TAMM41: variants seen among roughly 807,000 people sequenced by gnomAD.
TAMM41 encodes phosphatidate cytidylyltransferase, mitochondrial.
A neutral mutation model predicts 44.1 loss-of-function variants in TAMM41; 36 were observed. That is an observed-to-expected ratio of 0.82 (90% CI 0.63 to 1.08). The LOEUF is 1.08. Among genes scored for constraint, TAMM41 ranks in the 50% least tolerant of loss-of-function variants. TAMM41 has a pLI of 0.00. For missense variants in TAMM41, 417 were observed against 404.3 expected (o/e 1.03, Z -0.27); for synonymous variants, 164 against 153.1 (o/e 1.07, Z -0.53).
chr3:11,730,421 AAAAAAAAAAAAAG>A, the TAMM41 span, among the ~76,000 whole-genome samples: 31 of 149,360 alleles, frequency 2.1e-4, no homozygotes, highest in African/African-American at 7.1e-4. Context: ...TCATCTCAAA[AAAAAAAAAAAAAG>A]AAAAAGAAAA....
the TAMM41 span, among the ~76,000 whole-genome samples, chr3:11,732,521 G>A: frequency 6.6e-5 from 10 of 152,214 alleles, no homozygotes; most frequent in Non-Finnish European, 1.3e-4. Context: ...TTTAAGTCAT[G>A]TAAGTTAACA....
chr3:11,815,665 G>A (rs1454766960), intron 5 of TAMM41, among the ~76,000 whole-genome samples: 7 of 152,156 alleles, frequency 4.6e-5, no homozygotes, highest in Admixed American at 3.9e-4. Context: ...GAGAATGTGT[G>A]TGCTAAGTGC....
the TAMM41 span, among the ~76,000 whole-genome samples, chr3:11,722,269 C>T: frequency 6.6e-6 from 1 of 152,184 alleles, no homozygotes; most frequent in Non-Finnish European, 1.5e-5. Context: ...CTTTGCCTTA[C>T]ATCAGCATTA....
intron 6 of TAMM41, chr3:11,809,031 G>C (rs2078006649): frequency 5.2e-6 from 1 of 191,354 alleles, no homozygotes; most frequent in African/African-American, 2.4e-5. Flanking sequence ...TGGGTTCAGA[G>C]TTTTGGATAA....
the TAMM41 span, among the ~76,000 whole-genome samples, chr3:11,754,323 C>T: frequency 6.6e-6 from 1 of 152,138 alleles, no homozygotes; most frequent in Non-Finnish European, 1.5e-5. Flanking sequence ...TGACTTCCCC[C>T]ACTCCTCACC....
At chr3:11,737,884 T>C in the TAMM41 span, among the ~76,000 whole-genome samples, 1 of 152,238 alleles carries the variant, frequency 6.6e-6, no homozygotes, top group Non-Finnish European at 1.5e-5. Flanking sequence ...GGTTTTCTTA[T>C]TGCCATGGGC....
intron 7 of TAMM41, among the ~76,000 whole-genome samples, chr3:11,792,863 C>A (rs986276069): frequency 2.6e-5 from 4 of 152,008 alleles, no homozygotes; most frequent in African/African-American, 7.2e-5. Flanking sequence ...AGATCAAGAC[C>A]AACCTGGCCA....
chr3:11,811,600 G>C (rs1016081076), intron 5 of TAMM41: 1 of 152,194 alleles, frequency 6.6e-6, no homozygotes, highest in Non-Finnish European at 1.5e-5. Context: ...AATAACGAAA[G>C]TGAAAGCATT....
the TAMM41 span, among the ~76,000 whole-genome samples, chr3:11,770,646 G>A: frequency 6.6e-6 from 1 of 152,154 alleles, no homozygotes; most frequent in Non-Finnish European, 1.5e-5. Flanking sequence ...ATAATAGGAA[G>A]GTCAGGAACG....
intron 6 of TAMM41, chr3:11,808,731 T>A: frequency 1.5e-6 from 1 of 646,888 alleles, no homozygotes; most frequent in Non-Finnish European, 1.9e-6. Flanking sequence ...CTCTTTTTTT[T>A]GTTTGTTTTT....
chr3:11,823,506 CT>C (rs2078612969), intron 4 of TAMM41, among the ~76,000 whole-genome samples: 1 of 152,058 alleles, frequency 6.6e-6, no homozygotes, highest in Non-Finnish European at 1.5e-5. Flanking sequence ...ATCCACCAGC[CT>C]TGGCCTCCCA....
chr3:11,728,231 A>G, the TAMM41 span, among the ~76,000 whole-genome samples: 1 of 152,226 alleles, frequency 6.6e-6, no homozygotes, highest in Non-Finnish European at 1.5e-5. Flanking sequence ...CCCACTTGGT[A>G]ATTCAACCTA....
At chr3:11,838,102 A>G (rs2079263961) in intron 3 of TAMM41, among the ~76,000 whole-genome samples, 1 of 152,162 alleles carries the variant, frequency 6.6e-6, no homozygotes, top group African/African-American at 2.4e-5. Context: ...ACCAATCACA[A>G]GTCCAGGCTG....
intron 4 of TAMM41, among the ~76,000 whole-genome samples, chr3:11,828,792 G>C (rs2078865108): frequency 6.6e-6 from 1 of 152,158 alleles, no homozygotes; most frequent in Non-Finnish European, 1.5e-5. Flanking sequence ...AACCTCTAAG[G>C]TCTCTTACAG....
chr3:11,756,832 T>G, the TAMM41 span, among the ~76,000 whole-genome samples: 1 of 141,876 alleles, frequency 7.0e-6, no homozygotes, highest in African/African-American at 2.7e-5. Context: ...GCCACTGCAC[T>G]CCAGCCTGGG....
intron 7 of TAMM41, among the ~76,000 whole-genome samples, chr3:11,803,153 T>C (rs1358634474): frequency 6.6e-6 from 1 of 152,146 alleles, no homozygotes; most frequent in East Asian, 1.9e-4. Flanking sequence ...ATGCCTGTAG[T>C]CCCAGCTACT....
At chr3:11,797,351 CA>C (rs2077630433) in intron 7 of TAMM41, among the ~76,000 whole-genome samples, 1 of 152,164 alleles carries the variant, frequency 6.6e-6, no homozygotes, top group Admixed American at 6.5e-5. Flanking sequence ...TGCACACCTA[CA>C]ACTATCTGAT....
chr3:11,752,368 T>TG, the TAMM41 span, among the ~76,000 whole-genome samples: 3 of 152,050 alleles, frequency 2.0e-5, no homozygotes, highest in African/African-American at 4.8e-5. Context: ...CTGCTGCTGG[T>TG]GGGGGGTGGC....
At chr3:11,788,678 G>A (rs1235684369), downstream of TAMM41, among the ~76,000 whole-genome samples, 1 of 152,192 alleles carries the variant, frequency 6.6e-6, no homozygotes, top group Non-Finnish European at 1.5e-5. Context: ...GCTCACGCCT[G>A]TAATCCCAGC....
Sources: allele counts gnomAD v4.1 joint callset (sites outside exome capture counted in the v4.1 genomes callset), GRCh38; gene constraint gnomAD v4.1.1; transcripts MANE v1.5; gene names NCBI Gene and HGNC (gene_info 2026-07-23, HGNC 2026-07-21).